GALK2: variants seen among roughly 807,000 people sequenced by gnomAD.
GALK2 encodes the protein N-acetylgalactosamine kinase.
Under a neutral mutation model 52.4 loss-of-function variants are expected in GALK2, and 36 were observed. The ratio of observed to expected loss-of-function variants is 0.69; its 90% confidence interval spans 0.53 to 0.91. GALK2 has a LOEUF of 0.91. GALK2 is among the 40% of genes least tolerant of loss of function. GALK2 has a pLI of 0.00. For missense variants in GALK2, 579 were observed against 559.1 expected (o/e 1.04, Z -0.36); for synonymous variants, 176 against 199.1 (o/e 0.88, Z 0.98).
At chr15:49,221,189 C>T (rs938341657) in intron 3 of GALK2, among the ~76,000 whole-genome samples, 3 of 151,986 alleles carry the variant, frequency 2.0e-5, no homozygotes, top group Non-Finnish European at 4.4e-5. Flanking sequence ...ATATTTCTTT[C>T]TAGTAGTTTT....
chr15:49,156,995 A>G, intron 1 of GALK2: 1 of 296,200 alleles, frequency 3.4e-6, no homozygotes, highest in Non-Finnish European at 6.5e-6. Context: ...GAGCTCCCTG[A>G]ATTTTCAAGA....
rs1300611757 is a variant in GALK2, at chr15:49,328,583, C to T, written c.*424C>T. The T allele has an allele frequency of 6.2e-7, 1 of 1,600,062 alleles. No individual in the cohort carries two copies. The highest frequency in any genetic ancestry group is 2.2e-5 in the East Asian group (1 of 44,698). ...CTGGTTTCTCTTAGTATTCTTCTTC[C>T]TCAAAGTTGTAGTTGTCTGTTGATG... is the stretch of plus-strand genomic sequence containing the variant. On this transcript the variant is annotated 3_prime_UTR_variant, in exon 10 of 10. Transcript: ENST00000560031.
chr15:49,175,508 G>T (rs1026584965), intron 1 of GALK2, among the ~76,000 whole-genome samples: 15 of 152,130 alleles, frequency 9.9e-5, no homozygotes, highest in African/African-American at 3.6e-4. Context: ...AAGTTTCTCA[G>T]ATCACAAATG....
chr15:49,189,395 T>C (rs1277630757), intron 1 of GALK2, among the ~76,000 whole-genome samples: 1 of 152,108 alleles, frequency 6.6e-6, no homozygotes, highest in Non-Finnish European at 1.5e-5. Context: ...TATAGCAAAA[T>C]ACAGCATACG....
chr15:49,225,311 G>A (rs992934346), intron 3 of GALK2: 1 of 451,036 alleles, frequency 2.2e-6, no homozygotes, highest in Admixed American at 2.4e-5. Flanking sequence ...CCCTGTTACT[G>A]CTTCATGGCC....
intron 1 of GALK2, chr15:49,156,513 T>C (rs1405990440): frequency 8.0e-6 from 4 of 502,708 alleles, no homozygotes; most frequent in Non-Finnish European, 1.6e-5. Flanking sequence ...CTGCTGTCAT[T>C]TCTAAAATAT....
intron 3 of GALK2, among the ~76,000 whole-genome samples, chr15:49,228,135 C>T (rs73392255): frequency 0.012 from 1,854 of 152,166 alleles, 36 homozygotes; most frequent in African/African-American, 0.043. Flanking sequence ...TTTTCTTTTG[C>T]TGCTTTAAGA....
At chr15:49,324,473 T>C (rs1245283332) in intron 9 of GALK2, among the ~76,000 whole-genome samples, 1 of 150,538 alleles carries the variant, frequency 6.6e-6, no homozygotes, top group Non-Finnish European at 1.5e-5. Flanking sequence ...CCTCTTTGAC[T>C]TATGAATATA....
intron 4 of GALK2, 62 bp from the exon 5 acceptor site, chr15:49,239,159 G>A: frequency 3.5e-6 from 5 of 1,432,920 alleles, no homozygotes; most frequent in Non-Finnish European, 4.9e-6. Context: ...AATGAAAGAA[G>A]CTTTCACTAC....
At chr15:49,322,762 C>A (rs557554075) in intron 9 of GALK2, among the ~76,000 whole-genome samples, 1 of 152,156 alleles carries the variant, frequency 6.6e-6, no homozygotes, top group East Asian at 1.9e-4. Context: ...TCGAGATCAT[C>A]CTGGCTAACA....
intron 1 of GALK2, among the ~76,000 whole-genome samples, chr15:49,185,051 C>T (rs1009585913): frequency 6.6e-6 from 1 of 152,026 alleles, no homozygotes; most frequent in East Asian, 1.9e-4. Context: ...TTGTGTGATG[C>T]TGGGGTTTGG....
intron 1 of GALK2, among the ~76,000 whole-genome samples, chr15:49,160,535 C>T (rs1184545801): frequency 1.3e-5 from 2 of 152,040 alleles, no homozygotes; most frequent in African/African-American, 4.8e-5. Flanking sequence ...TTTCCTGGGA[C>T]TGATCTCGTT....
At chr15:49,234,959 G>A (rs1258355896) in intron 3 of GALK2, among the ~76,000 whole-genome samples, 2 of 151,984 alleles carry the variant, frequency 1.3e-5, no homozygotes, top group Non-Finnish European at 2.9e-5. Context: ...TAGAGACAGG[G>A]TTTCACCATA....
intron 1 of GALK2, among the ~76,000 whole-genome samples, chr15:49,195,974 TA>T (rs905263775): frequency 1.3e-5 from 2 of 151,790 alleles, no homozygotes; most frequent in African/African-American, 2.4e-5. Flanking sequence ...ATTTCTTATT[TA>T]AAAAAAAGTC....
intron 3 of GALK2, among the ~76,000 whole-genome samples, chr15:49,344,535 A>C (rs1323436709): frequency 2.0e-5 from 3 of 152,152 alleles, no homozygotes; most frequent in Non-Finnish European, 2.9e-5. Flanking sequence ...CACTTTCCCC[A>C]CAAGAGCCTA....
chr15:49,157,393 C>T (rs1488098770), intron 1 of GALK2, among the ~76,000 whole-genome samples: 2 of 151,990 alleles, frequency 1.3e-5, no homozygotes, highest in Non-Finnish European at 2.9e-5. Context: ...AAATTACTAC[C>T]CCAGGGAATA....
intron 1 of GALK2, among the ~76,000 whole-genome samples, chr15:49,189,823 G>A (rs578254178): frequency 5.3e-5 from 8 of 152,310 alleles, no homozygotes; most frequent in African/African-American, 1.9e-4. Flanking sequence ...ACTCAGAATA[G>A]TGTGCAATTT....
At chr15:49,348,395 C>A (rs1277099509) in intron 3 of GALK2, among the ~76,000 whole-genome samples, 1 of 152,156 alleles carries the variant, frequency 6.6e-6, no homozygotes, top group African/African-American at 2.4e-5. Flanking sequence ...GATAGAACTT[C>A]TGGAACTCCC....
intron 1 of GALK2, among the ~76,000 whole-genome samples, chr15:49,195,957 C>T (rs1045186951): frequency 4.0e-5 from 6 of 151,886 alleles, no homozygotes; most frequent in African/African-American, 1.5e-4. Flanking sequence ...TAGAGGTCTG[C>T]AAAGTCATTT....
Sources: gnomAD v4.1 joint callset for allele counts (sites outside exome capture counted in the v4.1 genomes callset) on GRCh38, gnomAD v4.1.1 for gene constraint, MANE v1.5 for transcripts, NCBI Gene and HGNC (gene_info 2026-07-23, HGNC 2026-07-21) for gene names.